Variants in GANAB observed in about 807,000 individuals in gnomAD.
GANAB encodes glucosidase II alpha subunit, also known as neutral alpha-glucosidase AB.
GANAB carries 35 observed loss-of-function variants against 129.9 expected under a neutral mutation model. That is an observed-to-expected ratio of 0.27 (90% CI 0.21 to 0.36). The LOEUF (loss-of-function observed/expected upper bound fraction) is 0.36. GANAB is among the 10% of genes least tolerant of loss of function. The probability of loss-of-function intolerance (pLI) is 1.00; values close to 1 mark genes in which losing one functional copy is unlikely to be tolerated. For synonymous variants in GANAB, 482 were observed against 451.8 expected (o/e 1.07, Z -0.85); for missense variants, 939 against 1,221.0 (o/e 0.77, Z 3.44).
intron 13 of GANAB, 45 bp from the exon 14 acceptor site, chr11:62,630,002 G>A (rs1168849872): frequency 1.3e-6 from 2 of 1,596,468 alleles, no homozygotes; most frequent in South Asian, 2.2e-5. Flanking sequence ...CAGAGGGGAG[G>A]AAGAAGACAA....
chr11:62,634,362 CCTT>C, intron 5 of GANAB: 1 of 1,610,946 alleles, frequency 6.2e-7, no homozygotes, highest in Non-Finnish European at 8.5e-7. Flanking sequence ...GTGAGATTAA[CCTT>C]ATCCGAGAAA....
chr11:62,626,596 G>A lies in GANAB; in HGVS notation c.2486C>T (p.Thr829Ile). Reference sequence around the variant, plus strand: ...CTGAGGGCTAAGTGCAACAAAGAGAGTGATGGGGTCATCCTTCATACATTC... The same window carrying A: ...CTGAGGGCTAAGTGCAACAAAGAGAATGATGGGGTCATCCTTCATACATTC... The part of the protein sequence containing the change: ...SSECMKDDPI[T>I]LFVALSPQGT... Residue 829 changes from threonine (T) to isoleucine (I), a missense_variant, in exon 21 of 24, where the codon ACT becomes ATT. This residue lies in a region of GANAB where 230 missense variants were observed against 259.9 expected (regional missense o/e 0.89). Transcript: ENST00000356638. 2 of 1,610,602 alleles carry A rather than the reference G, an allele frequency of 1.2e-6. No homozygotes were observed. Among genetic ancestry groups the A allele is most frequent in the Non-Finnish European group, 1.7e-6 (2 of 1,176,972 alleles).
intron 1 of GANAB, among the ~76,000 whole-genome samples, chr11:62,644,138 T>A (rs1944378418): frequency 6.6e-6 from 1 of 151,980 alleles, no homozygotes; most frequent in Non-Finnish European, 1.5e-5. Context: ...GAGACGGGGT[T>A]TCTCTGTGTT....
Position 62,630,367 on chromosome 11 carries a change from G to C in GANAB, c.1513+12C>G, listed in dbSNP as rs1414174113. On this transcript the variant is annotated intron_variant, in intron 12 of 23. Transcript: ENST00000356638. ...GGCCAATCAACTCTCCCTCAATTCTGGGTCTGCTTACCTGGCCAGCACCAG... is the reference window on the plus strand; with the variant it reads ...GGCCAATCAACTCTCCCTCAATTCTCGGTCTGCTTACCTGGCCAGCACCAG... 6.2e-7 allele frequency: 1 copy of C among 1,614,088 alleles called. No homozygotes were observed. The highest frequency in any genetic ancestry group is 1.3e-5 in the African/African-American group (1 of 75,054).
chr11:62,629,100 T>A lies in GANAB; in HGVS notation c.1937-88A>T, dbSNP rs146562066. The A allele has an allele frequency of 3.7e-4, 571 of 1,550,346 alleles. 5 individuals carry two copies. The East Asian group carries it at 0.013, about 35-fold the overall frequency. On this transcript the variant is annotated intron_variant, in intron 16 of 23. Coordinates refer to ENST00000356638, the MANE Select transcript of GANAB (RefSeq NM_198334.3). ...AACTTCCCAAGGCCCTAACTTGGAC[T>A]CTCAACTCTCTTTGCTTACAACACC...
At chr11:62,626,735 G>T in intron 20 of GANAB, 51 bp from the exon 21 acceptor site, 1 of 1,380,088 alleles carries the variant, frequency 7.2e-7, no homozygotes, top group Non-Finnish European at 1.0e-6. Context: ...CCAACCTTGG[G>T]CCCCACAGCA....
chr11:62,633,033 C>A lies in GANAB; in HGVS notation c.787G>T (p.Ala263Ser). The change falls in exon 8 of 24, where the codon GCA becomes TCA. Residue 263 changes from alanine to serine, a missense_variant. By Grantham distance (99) the Ala-to-Ser change is moderately conservative. Around this residue, in one of 5 missense-constraint regions of GANAB, gnomAD observed 21 missense variants for 53.7 expected, o/e 0.39. Transcript: ENST00000356638. ...GTGACCTTCAGCCTCAGGTTGTCTG[C>A]ATGCTCAGGGATCCCATAGACATGC... ...MEHVYGIPEH[A>S]DNLRLKVTEG... The A allele has an allele frequency of 1.2e-6, 2 of 1,608,408 alleles. No homozygotes were observed. The highest frequency in any genetic ancestry group is 1.7e-6 in the Non-Finnish European group (2 of 1,174,776).
At chr11:62,642,557 C>T (rs1222403742) in intron 1 of GANAB, among the ~76,000 whole-genome samples, 2 of 151,948 alleles carry the variant, frequency 1.3e-5, no homozygotes, top group Non-Finnish European at 2.9e-5. Flanking sequence ...GCCTCAGCCT[C>T]CCGAGCAGCT....
intron 5 of GANAB, 187 bp downstream of exon 5, chr11:62,634,634 C>T (rs1287671974): frequency 3.2e-6 from 2 of 617,286 alleles, no homozygotes; most frequent in African/African-American, 3.7e-5. Flanking sequence ...TGACTGCCTC[C>T]TGGTCTGTAC....
intron 5 of GANAB, chr11:62,633,939 C>G: frequency 2.8e-6 from 1 of 356,828 alleles, no homozygotes; most frequent in Middle Eastern, 8.1e-4. Context: ...TATACCAAGC[C>G]TCTACAGACA....
intron 22 of GANAB, 35 bp from the exon 23 acceptor site, chr11:62,626,200 A>G (rs202238090): frequency 6.6e-5 from 98 of 1,482,480 alleles, no homozygotes; most frequent in Non-Finnish European, 9.1e-5. Flanking sequence ...CATCAGGGGG[A>G]AAAATAACAG....
In GANAB at chr11:62,627,322, T is replaced by C. The variant is rs1943441671; in HGVS notation, c.2212A>G (p.Thr738Ala). 1 of 1,584,070 alleles carries C rather than the reference T, an allele frequency of 6.3e-7. No homozygotes were observed. Among genetic ancestry groups the C allele is most frequent in the African/African-American group, 1.3e-5 (1 of 74,284 alleles). The change falls in exon 18 of 24, where the codon ACT becomes GCT. Residue 738 changes from threonine to alanine, a missense_variant. Physicochemically the swap from Thr to Ala is moderately conservative, Grantham distance 58 (BLOSUM62 0). Around this residue, in one of 5 missense-constraint regions of GANAB, gnomAD observed 147 missense variants for 282.4 expected, o/e 0.52. Coordinates refer to ENST00000356638, the MANE Select transcript of GANAB (RefSeq NM_198334.3). ...PLWVQYPQDVTTFNIDDQYLL... is the reference protein window; with the variant it reads ...PLWVQYPQDVATFNIDDQYLL... The stretch of plus-strand genomic sequence containing the variant: ...TACTGATCATCTATATTGAAGGTAG[T>C]CACATCCTGAGGGTACTGCACCCAC...
Position 62,630,691 on chromosome 11 carries a change from A to G in GANAB, c.1296T>C (p.His432=), listed in dbSNP as rs1943631452. ...PCDVIWLDIE[H]ADGKRYFTWD... is the part of the protein sequence containing the mutation. ...AGGTGAAATACCGCTTGCCATCAGC[A>G]TGTTCAATGTCTAGCCAGATGACAT... Residue 432 remains histidine (H), a synonymous_variant, in exon 11 of 24, where the codon CAT becomes CAC. Transcript: ENST00000356638. 6.2e-7 allele frequency: 1 copy of G among 1,614,188 alleles called. No homozygotes were observed. Among genetic ancestry groups the G allele is most frequent in the South Asian group, 1.1e-5 (1 of 91,086 alleles).
intron 1 of GANAB, among the ~76,000 whole-genome samples, chr11:62,640,555 C>T (rs1055349554): frequency 8.0e-5 from 11 of 138,014 alleles, no homozygotes; most frequent in African/African-American, 2.7e-4. Context: ...AAAAAAGGGC[C>T]GGGTGCGGTG....
At chr11:62,631,547 C>G (rs1276193093) in intron 9 of GANAB, among the ~76,000 whole-genome samples, 1 of 151,614 alleles carries the variant, frequency 6.6e-6, no homozygotes, top group Non-Finnish European at 1.5e-5. Context: ...ACTGCAATCT[C>G]CACCTCCCCA....
In GANAB at chr11:62,630,728, T is replaced by G. The variant is rs146956329; in HGVS notation, c.1259A>C (p.Asn420Thr). 5 of 1,613,686 alleles carry G rather than the reference T, an allele frequency of 3.1e-6. No individual in the cohort carries two copies. Among genetic ancestry groups the G allele is most frequent in the Non-Finnish European group, 4.2e-6 (5 of 1,179,744 alleles). ...TAGCCAGATGACATCACAGGGCAGG[T>G]TGTGATCATCAAAGCCCTGATCCAC... Reference protein sequence around the residue: ...LEVDQGFDDHNLPCDVIWLDI... With the variant: ...LEVDQGFDDHTLPCDVIWLDI... The change falls in exon 11 of 24, where the codon AAC becomes ACC. Residue 420 changes from asparagine (N) to threonine (T), a missense_variant. By Grantham distance (65) the Asn-to-Thr change is moderately conservative. Transcript: ENST00000356638.
At position 62,630,294 on chromosome 11, in the gene GANAB, T is replaced by C. The variant is rs1336423398; in HGVS notation, c.1514-18A>G. On this transcript the variant is annotated intron_variant, in intron 12 of 23. Transcript: ENST00000356638. The stretch of plus-strand genomic sequence containing the variant: ...AGCTGAGCCTGGGAGAAGTTAAGGG[T>C]GGCTCTCAATCCCCTAAGGGGCAAA... 3.1e-6 allele frequency: 5 copies of C among 1,612,298 alleles called. No homozygotes were observed. In the East Asian group the frequency reaches 6.7e-5, roughly 22 times the overall value.
Position 62,629,699 on chromosome 11 carries a change from A to G in GANAB, c.1738-15T>C. On this transcript the variant is annotated splice_polypyrimidine_tract_variant and intron_variant, in intron 14 of 23. Coordinates refer to ENST00000356638, the MANE Select transcript of GANAB (RefSeq NM_198334.3). ...GTCGCCATGTGCTGGGTGAGGAGAG[A>G]AGAGACGGGTAGTGAGGAGCAAAAG... 1.2e-6 allele frequency: 2 copies of G among 1,609,852 alleles called. No individual in the cohort carries two copies. The highest frequency in any genetic ancestry group is 8.5e-7 in the Non-Finnish European group (1 of 1,176,660).
rs367678510 is a variant in GANAB, at chr11:62,646,581, C to G, written c.19G>C (p.Val7Leu). 3.7e-6 allele frequency: 6 copies of G among 1,613,894 alleles called. No individual in the cohort carries two copies. The highest frequency in any genetic ancestry group is 2.5e-6 in the Non-Finnish European group (3 of 1,179,974). Reference sequence around the variant, plus strand: ...CCTCACCGCCTCCTACGCGCCGCCACTGCCGCTACCGCCGCCATCTTGTGC... The same window carrying G: ...CCTCACCGCCTCCTACGCGCCGCCAGTGCCGCTACCGCCGCCATCTTGTGC... MAAVAAVAARRRRSWAS... is the reference protein window; with the variant it reads MAAVAALAARRRRSWAS... Residue 7 changes from valine (V) to leucine (L), a missense_variant, in exon 1 of 24, where the codon GTG becomes CTG. Physicochemically the swap from Val to Leu is conservative, Grantham distance 32. Transcript: ENST00000356638.
Sources: gnomAD v4.1 joint callset for allele counts (sites outside exome capture counted in the v4.1 genomes callset) on GRCh38, gnomAD v4.1.1 for gene constraint, gnomAD v4.1.1 regional missense constraint, MANE v1.5 for transcripts, NCBI Gene and HGNC (gene_info 2026-07-23, HGNC 2026-07-21) for gene names.